The following TRAF3IP1 variants were observed in gnomAD, a reference collection of about 807,000 sequenced individuals.
TRAF3IP1 encodes intraflagellar transport 54.
TRAF3IP1 carries 53 observed loss-of-function variants against 89.9 expected under a neutral mutation model. The observed-to-expected ratio is 0.59, with a 90% CI of 0.47 to 0.74. The LOEUF is 0.74. TRAF3IP1 is among the 30% of genes least tolerant of loss of function. The pLI is 0.00. For synonymous variants in TRAF3IP1, 311 were observed against 322.1 expected (o/e 0.97, Z 0.37); for missense variants, 806 against 866.1 (o/e 0.93, Z 0.87).
In TRAF3IP1 at chr2:238,372,523, G is replaced by T. The variant is rs192303264; in HGVS notation, c.1689+16443G>T. Among the ~76,000 whole-genome samples, 1,458 of 152,256 alleles carry T rather than the reference G, an allele frequency of 9.6e-3. 9 individuals carry two copies. The highest frequency in any genetic ancestry group is 0.015 in the Non-Finnish European group (1,037 of 68,020). On this transcript the variant is annotated intron_variant, in intron 15 of 16. Coordinates refer to ENST00000373327, the MANE Select transcript of TRAF3IP1 (RefSeq NM_015650.4). The stretch of plus-strand genomic sequence containing the variant: ...ATATGTGCCACATTTTCTTTACCCA[G>T]TCTATCATTGATGGACATTTGGGTT...
chr2:238,348,464 T>C (rs149558714), intron 10 of TRAF3IP1, among the ~76,000 whole-genome samples: 34 of 152,292 alleles, frequency 2.2e-4, no homozygotes, highest in African/African-American at 7.0e-4. Context: ...TTGGGTTGTA[T>C]TTCCTTTAAG....
intron 5 of TRAF3IP1, among the ~76,000 whole-genome samples, chr2:238,332,263 T>C (rs981236967): frequency 2.0e-5 from 3 of 152,268 alleles, no homozygotes; most frequent in African/African-American, 7.2e-5. Context: ...CTCTGAGATA[T>C]GTCTTCTGGA....
intron 15 of TRAF3IP1, among the ~76,000 whole-genome samples, chr2:238,395,007 T>C (rs1701146213): frequency 6.6e-6 from 1 of 152,038 alleles, no homozygotes; most frequent in Non-Finnish European, 1.5e-5. Flanking sequence ...TGTAAGTGGG[T>C]GAGGCAAGGA....
intron 15 of TRAF3IP1, among the ~76,000 whole-genome samples, chr2:238,394,224 G>C (rs1244905064): frequency 1.3e-5 from 2 of 152,124 alleles, no homozygotes; most frequent in Non-Finnish European, 2.9e-5. Context: ...TGGGTAGACT[G>C]GTTATTTCTG....
intron 15 of TRAF3IP1, among the ~76,000 whole-genome samples, chr2:238,364,355 T>G (rs1332196480): frequency 6.6e-6 from 1 of 152,030 alleles, no homozygotes; most frequent in Non-Finnish European, 1.5e-5. Flanking sequence ...TGCTCTCTTT[T>G]CAAGAGGAAA....
At chr2:238,368,837 A>AT (rs888168994) in intron 15 of TRAF3IP1, among the ~76,000 whole-genome samples, 5 of 151,020 alleles carry the variant, frequency 3.3e-5, no homozygotes, top group South Asian at 2.1e-4. Context: ...TGTCCAGCTA[A>AT]TTTTTTTTTA....
At chr2:238,381,251 A>G (rs1203281382) in intron 15 of TRAF3IP1, among the ~76,000 whole-genome samples, 1 of 152,016 alleles carries the variant, frequency 6.6e-6, no homozygotes, top group Non-Finnish European at 1.5e-5. Context: ...TGAATGGAAC[A>G]TAAAAATGGG....
Position 238,351,866 on chromosome 2 carries a change from T to TGCGCGCGCGC in TRAF3IP1, c.1452-957_1452-948dup, listed in dbSNP as rs964910880. ...GTGTGTGTGTGTGTGTGTGTGTGTG[T>TGCGCGCGCGC]GCGCGCGCGCGCGTGTGCGTGCATG... is the stretch of plus-strand genomic sequence containing the variant. On this transcript the variant is annotated intron_variant, in intron 12 of 16. Transcript: ENST00000373327. The surrounding 1 kb of genome is among the most constrained non-coding windows in gnomAD (Gnocchi z 5.2). Among the ~76,000 whole-genome samples, 1 of 128,194 alleles carries TGCGCGCGCGC rather than the reference T, an allele frequency of 7.8e-6. No individual in the cohort carries two copies. Among genetic ancestry groups the TGCGCGCGCGC allele is most frequent in the Non-Finnish European group, 1.6e-5 (1 of 62,258 alleles). The allele number at this position is 128,194 out of a possible 152,430, so 84.1% of individuals were successfully genotyped here. A position where few individuals can be genotyped will look rare whatever the true frequency, so the allele number is the denominator to read the frequency against.
chr2:238,329,185 G>A lies in TRAF3IP1; in HGVS notation c.758G>A (p.Ser253Asn), dbSNP rs2106364289. 3 of 1,565,402 alleles carry A rather than the reference G, an allele frequency of 1.9e-6. No homozygotes were observed. Among genetic ancestry groups the A allele is most frequent in the Non-Finnish European group, 2.6e-6 (3 of 1,159,004 alleles). The change falls in exon 5 of 17, where the codon AGT (serine) becomes AAT (asparagine). Residue 253 changes from serine (S) to asparagine (N), a missense_variant. This residue lies in a region of TRAF3IP1 where 732 missense variants were observed against 780.5 expected (regional missense o/e 0.94). Transcript: ENST00000373327. ...SERKKETERK[S>N]EGGKEKERLR... ...CGCAAGAAGGAGACAGAGAGAAAGA[G>A]TGAGGGGGGGAAAGAGAAGGAGAGA...
chr2:238,340,061 G>A (rs1402924910), intron 8 of TRAF3IP1, among the ~76,000 whole-genome samples: 2 of 151,936 alleles, frequency 1.3e-5, no homozygotes, highest in African/African-American at 2.4e-5. Flanking sequence ...TGGCGGGGCG[G>A]GGGGGTTGGG....
rs1701281267 is a variant in TRAF3IP1 at position 238,397,491 on chromosome 2, G to A, written c.1722G>A (p.Lys574=). ...ERSLFESAWK[K]EKDIVSKEIE... is the part of the protein sequence containing the mutation. ...CTCTCTTTGAGTCGGCATGGAAGAA[G>A]GAGAAGGACATCGTTTCCAAGGAGA... The change falls in exon 16 of 17, where the codon AAG becomes AAA. Residue 574 remains lysine (K), a synonymous_variant. Coordinates refer to ENST00000373327, the MANE Select transcript of TRAF3IP1 (RefSeq NM_015650.4). The A allele has an allele frequency of 6.2e-7, 1 of 1,612,952 alleles. No homozygotes were observed.
chr2:238,389,920 T>G lies in TRAF3IP1; in HGVS notation c.1690-7539T>G, dbSNP rs191348220. On this transcript the variant is annotated intron_variant, in intron 15 of 16. Coordinates refer to ENST00000373327, the MANE Select transcript of TRAF3IP1 (RefSeq NM_015650.4). Reference sequence around the variant, plus strand: ...AAATGCCCATGTTTCTGAGGACAAGTGTGTGTGTGGTAAAATGCAAATAAA... The same window carrying G: ...AAATGCCCATGTTTCTGAGGACAAGGGTGTGTGTGGTAAAATGCAAATAAA... Among the ~76,000 whole-genome samples, 7 of 152,064 alleles carry G rather than the reference T, an allele frequency of 4.6e-5. No individual in the cohort carries two copies. The South Asian group carries it at 1.2e-3, about 27-fold the overall frequency.
intron 5 of TRAF3IP1, 41 bp downstream of exon 5, chr2:238,329,383 G>C (rs1445933424): frequency 7.5e-7 from 1 of 1,331,424 alleles, no homozygotes; most frequent in East Asian, 2.7e-5. Context: ...CTTAGCAAGA[G>C]TTTGTGGTGG....
chr2:238,369,900 A>G (rs1214905747), intron 15 of TRAF3IP1, among the ~76,000 whole-genome samples: 1 of 152,068 alleles, frequency 6.6e-6, no homozygotes, highest in Non-Finnish European at 1.5e-5. Flanking sequence ...CATGATTTTC[A>G]TGCGCAGATG....
At chr2:238,383,599 C>A (rs1700637938) in intron 15 of TRAF3IP1, among the ~76,000 whole-genome samples, 1 of 152,174 alleles carries the variant, frequency 6.6e-6, no homozygotes, top group South Asian at 2.1e-4. Flanking sequence ...TTTTTTAGCA[C>A]CTCTCTAACG....
chr2:238,348,707 A>G, intron 10 of TRAF3IP1, 57 bp from the exon 11 acceptor site: 2 of 1,434,504 alleles, frequency 1.4e-6, no homozygotes, highest in Non-Finnish European at 2.0e-6. Flanking sequence ...GTATTTTCAA[A>G]TAGTTATCTA....
chr2:238,353,044 TC>T (rs1220573022), intron 13 of TRAF3IP1, 94 bp downstream of exon 13: 3 of 1,526,160 alleles, frequency 2.0e-6, no homozygotes, highest in Admixed American at 1.9e-5. Context: ...GACAAAAATG[TC>T]CTGTAATTTT....
intron 15 of TRAF3IP1, among the ~76,000 whole-genome samples, chr2:238,391,318 T>G (rs1176266845): frequency 1.3e-5 from 2 of 152,214 alleles, no homozygotes; most frequent in African/African-American, 2.4e-5. Context: ...GTGGGGGTAA[T>G]AGATCCTCAA....
chr2:238,375,008 A>T (rs923418032), intron 15 of TRAF3IP1, among the ~76,000 whole-genome samples: 16 of 150,648 alleles, frequency 1.1e-4, no homozygotes, highest in African/African-American at 3.7e-4. Context: ...CATCTATTTG[A>T]TTCTTCTCTC....
Sources: gnomAD v4.1 joint callset for allele counts (sites outside exome capture counted in the v4.1 genomes callset) on GRCh38, gnomAD v4.1.1 for gene constraint, gnomAD v4.1.1 regional missense constraint, Gnocchi (gnomAD v3.1) non-coding constraint, MANE v1.5 for transcripts, NCBI Gene and HGNC (gene_info 2026-07-23, HGNC 2026-07-21) for gene names.